TMPRSS9: variants seen among roughly 807,000 people sequenced by gnomAD.
The protein encoded by TMPRSS9 is transmembrane protease serine 9.
In TMPRSS9, 113 loss-of-function variants were observed where a neutral mutation model predicts 111.4. The ratio of observed to expected loss-of-function variants is 1.01; its 90% CI spans 0.87 to 1.19. The LOEUF (loss-of-function observed/expected upper bound fraction) is 1.19, where lower values mean the gene tolerates loss of function less well. TMPRSS9 is among the 50% of genes most tolerant of loss of function. The pLI is 0.00. For synonymous variants in TMPRSS9, 805 were observed against 659.1 expected, an observed-to-expected ratio of 1.22 and a Z score of -3.39; for missense variants, 1,803 against 1,513.1, an observed-to-expected ratio of 1.19 and a Z score of -3.18.
chr19:2,366,926 G>C (rs1016498206), intron 1 of TMPRSS9, among the ~76,000 whole-genome samples: 16 of 151,804 alleles, frequency 1.1e-4, no homozygotes, highest in African/African-American at 3.9e-4. Context: ...GCCTGGAAGA[G>C]CCACTTCAAA....
At chr19:2,371,471 G>A (rs1970290027) in intron 1 of TMPRSS9, among the ~76,000 whole-genome samples, 1 of 152,144 alleles carries the variant, frequency 6.6e-6, no homozygotes, top group Admixed American at 6.6e-5. Flanking sequence ...CGGATTGCCT[G>A]AGTTCAGGTG....
intron 12 of TMPRSS9, 62 bp from the exon 14 acceptor site, chr19:2,417,940 C>T (rs571734457): frequency 9.4e-5 from 151 of 1,598,582 alleles, no homozygotes; most frequent in Admixed American, 1.5e-4. Context: ...GTTATCGGAG[C>T]GGAACTGGAG....
chr19:2,408,365 C>A, exon 8 of TMPRSS9: 2 of 1,612,872 alleles, frequency 1.2e-6, no homozygotes, highest in Non-Finnish European at 1.7e-6. Flanking sequence ...GGTTCCAAGA[C>A]CCGACGAAGT....
chr19:2,379,675 T>TTC (rs897502145), intron 1 of TMPRSS9, among the ~76,000 whole-genome samples: 2 of 144,498 alleles, frequency 1.4e-5, no homozygotes, highest in Admixed American at 6.9e-5. Context: ...CTTTCTTTCT[T>TTC]TCTCTTTTTC....
intron 2 of TMPRSS9, among the ~76,000 whole-genome samples, chr19:2,396,956 T>C (rs1202743608): frequency 6.6e-6 from 1 of 151,990 alleles, no homozygotes; most frequent in Non-Finnish European, 1.5e-5. Flanking sequence ...AGTCTCACTC[T>C]GTCACCCAGG....
chr19:2,413,771 G>C (rs1477312318), exon 10 of TMPRSS9: 3 of 1,613,814 alleles, frequency 1.9e-6, no homozygotes, highest in Admixed American at 1.7e-5. Flanking sequence ...TCGTGAGCTG[G>C]GGAATCGGGT....
chr19:2,376,484 G>C (rs1286844821), intron 1 of TMPRSS9, among the ~76,000 whole-genome samples: 1 of 151,790 alleles, frequency 6.6e-6, no homozygotes, highest in East Asian at 1.9e-4. Context: ...TTTTGAGATA[G>C]AGTCTTGTTC....
intron 5 of TMPRSS9, among the ~76,000 whole-genome samples, chr19:2,402,804 A>G (rs1970879807): frequency 6.6e-6 from 1 of 151,512 alleles, no homozygotes; most frequent in African/African-American, 2.4e-5. Flanking sequence ...GGTGGTGTGC[A>G]CCTGTGGTCC....
chr19:2,416,607 G>T, exon 12 of TMPRSS9: 1 of 1,612,650 alleles, frequency 6.2e-7, no homozygotes, highest in Non-Finnish European at 8.5e-7. Context: ...GGAGCCCGGT[G>T]AAGATCGGGC....
In TMPRSS9 at chr19:2,417,533, A is replaced by C. The variant is rs550515550; in HGVS notation, c.2018-469A>C. Reference sequence around the variant, plus strand: ...TATGGTGGCACATGCCTGTAGTCCCAGCTACTTAGGAGGCTGAGGCAGGAG... The same window carrying C: ...TATGGTGGCACATGCCTGTAGTCCCCGCTACTTAGGAGGCTGAGGCAGGAG... On this transcript the variant is annotated intron_variant, in intron 12 of 17. Coordinates refer to ENST00000648592, the Ensembl canonical transcript of TMPRSS9. Among the ~76,000 whole-genome samples, 23 of 151,970 alleles carry C rather than the reference A, an allele frequency of 1.5e-4. No individual in the cohort carries two copies. In the East Asian group the frequency reaches 3.9e-3, roughly 25 times the overall value.
chr19:2,420,579 A>G (rs565538299), intron 13 of TMPRSS9, among the ~76,000 whole-genome samples: 1 of 152,200 alleles, frequency 6.6e-6, no homozygotes, highest in Non-Finnish European at 1.5e-5. Flanking sequence ...AAGGTGGTAA[A>G]TAACCTGCAA....
chr19:2,396,012 A>C (rs1244468483), intron 1 of TMPRSS9, among the ~76,000 whole-genome samples: 1 of 152,224 alleles, frequency 6.6e-6, no homozygotes, highest in Admixed American at 6.6e-5. Flanking sequence ...TGTCTCAAAC[A>C]AACAAACACA....
intron 1 of TMPRSS9, among the ~76,000 whole-genome samples, chr19:2,382,550 A>G (rs1970396995): frequency 6.6e-6 from 1 of 152,196 alleles, no homozygotes; most frequent in South Asian, 2.1e-4. Context: ...AATTGAGTGG[A>G]TACACAGACA....
At chr19:2,388,777 C>T (rs1483354817), upstream of TMPRSS9, among the ~76,000 whole-genome samples, 1 of 151,964 alleles carries the variant, frequency 6.6e-6, no homozygotes, top group African/African-American at 2.4e-5. Context: ...TGAGCCACCA[C>T]ATCTGGCTAA....
At chr19:2,416,427 G>C in intron 11 of TMPRSS9, 111 bp from the exon 13 acceptor site, 1 of 1,408,602 alleles carries the variant, frequency 7.1e-7, no homozygotes, top group Non-Finnish European at 9.5e-7. Context: ...ATGGTCCTGG[G>C]GCCCAGGCAG....
intron 1 of TMPRSS9, among the ~76,000 whole-genome samples, chr19:2,394,493 C>G (rs1378742251): frequency 6.6e-6 from 1 of 152,162 alleles, no homozygotes; most frequent in African/African-American, 2.4e-5. Flanking sequence ...GCGTTCTGAA[C>G]TATTTCTGCA....
chr19:2,367,590 G>A (rs1970257748), intron 1 of TMPRSS9, among the ~76,000 whole-genome samples: 1 of 135,360 alleles, frequency 7.4e-6, no homozygotes, highest in African/African-American at 2.9e-5. Flanking sequence ...TTGAGAGGGA[G>A]TCTTGCTCCG....
chr19:2,423,274 CCCT>C (rs1326375871), intron 14 of TMPRSS9, among the ~76,000 whole-genome samples: 1 of 151,816 alleles, frequency 6.6e-6, no homozygotes, highest in African/African-American at 2.4e-5. Flanking sequence ...GAGAAGGCCC[CCCT>C]CAAAATACAG....
chr19:2,369,045 G>C (rs150847881), intron 1 of TMPRSS9, among the ~76,000 whole-genome samples: 2,135 of 149,508 alleles, frequency 0.014, 50 homozygotes, highest in African/African-American at 0.048. Flanking sequence ...TCCACCTCCC[G>C]GGTTCAAGTG....
Sources: allele counts gnomAD v4.1 joint callset (sites outside exome capture counted in the v4.1 genomes callset), GRCh38; gene constraint gnomAD v4.1.1; transcripts MANE v1.5; gene names NCBI Gene and HGNC (gene_info 2026-07-23, HGNC 2026-07-21).